LRRC4C: variants seen among roughly 807,000 people sequenced by gnomAD.
The protein encoded by LRRC4C is leucine-rich repeat-containing protein 4C.
LRRC4C carries 5 observed loss-of-function variants against 33.6 expected under a neutral mutation model. The observed-to-expected ratio is 0.15, with a 90% CI of 0.08 to 0.31. LRRC4C has a LOEUF of 0.31. Ranked by LOEUF, LRRC4C falls within the 10% of genes least tolerant of loss-of-function variation. The pLI, the probability that LRRC4C is intolerant of heterozygous loss-of-function variation, is 1.00. For synonymous variants in LRRC4C, 329 were observed against 302.0 expected, an observed-to-expected ratio of 1.09 and a Z score of -0.93; for missense variants, 560 against 796.7, an observed-to-expected ratio of 0.70 and a Z score of 3.58.
At chr11:40,437,975 C>T (rs543779933) in intron 3 of LRRC4C, among the ~76,000 whole-genome samples, 2 of 152,332 alleles carry the variant, frequency 1.3e-5, no homozygotes, top group Non-Finnish European at 2.9e-5. Context: ...GCTGGGATTA[C>T]AGACTTGAGC....
intron 1 of LRRC4C, among the ~76,000 whole-genome samples, chr11:41,064,208 G>T (rs1425829869): frequency 6.6e-6 from 1 of 152,144 alleles, no homozygotes. Context: ...TGCATATGGT[G>T]CCATAGTTTA....
chr11:40,859,343 T>C (rs990919044), intron 2 of LRRC4C, among the ~76,000 whole-genome samples: 1 of 152,136 alleles, frequency 6.6e-6, no homozygotes. Context: ...AAGTCCGTAG[T>C]AATGAAATGA....
At chr11:40,999,581 T>C (rs547953033) in intron 1 of LRRC4C, among the ~76,000 whole-genome samples, 18 of 152,266 alleles carry the variant, frequency 1.2e-4, no homozygotes, top group African/African-American at 4.3e-4. Context: ...AACCGTCCCA[T>C]AGGATGGTGA....
intron 3 of LRRC4C, among the ~76,000 whole-genome samples, chr11:40,482,850 A>G (rs188581463): frequency 6.6e-6 from 1 of 152,288 alleles, no homozygotes. Context: ...CTTAGGAAAC[A>G]AAGACCTCTG....
intron 1 of LRRC4C, among the ~76,000 whole-genome samples, chr11:41,346,209 G>A (rs558662439): frequency 1.8e-3 from 281 of 152,258 alleles, no homozygotes; most frequent in Middle Eastern, 3.4e-3. Context: ...AGTGTCAGTC[G>A]TTAATATTTA....
intron 1 of LRRC4C, among the ~76,000 whole-genome samples, chr11:41,033,491 A>G (rs1205094118): frequency 6.6e-6 from 1 of 152,062 alleles, no homozygotes; most frequent in Admixed American, 6.6e-5. Flanking sequence ...ATGCTCCCAG[A>G]AAATTATATA....
At chr11:40,315,704 T>A (rs1945542613) in intron 4 of LRRC4C, among the ~76,000 whole-genome samples, 1 of 152,014 alleles carries the variant, frequency 6.6e-6, no homozygotes, top group Admixed American at 6.5e-5. Context: ...ATGTCTTCAT[T>A]TGTCCACTGA....
intron 4 of LRRC4C, among the ~76,000 whole-genome samples, chr11:40,263,830 T>G (rs1347602669): frequency 6.6e-6 from 1 of 152,158 alleles, no homozygotes; most frequent in Non-Finnish European, 1.5e-5. Flanking sequence ...TCCTATAGTC[T>G]GATATGTGGG....
chr11:41,146,413 C>T (rs901063458), intron 1 of LRRC4C, among the ~76,000 whole-genome samples: 2 of 152,178 alleles, frequency 1.3e-5, no homozygotes, highest in Non-Finnish European at 2.9e-5. Flanking sequence ...CACTACTGAG[C>T]GTTTCCTTGA....
intron 1 of LRRC4C, among the ~76,000 whole-genome samples, chr11:41,440,423 T>C (rs967348862): frequency 6.6e-6 from 1 of 152,156 alleles, no homozygotes; most frequent in Non-Finnish European, 1.5e-5. Context: ...ATAGGTTTTA[T>C]CTATGGTCTC....
At chr11:40,944,826 C>G (rs1193435810) in intron 1 of LRRC4C, among the ~76,000 whole-genome samples, 1 of 152,118 alleles carries the variant, frequency 6.6e-6, no homozygotes. Flanking sequence ...TAGCATTTAA[C>G]AATATTTGAC....
In LRRC4C at chr11:40,320,956, T is replaced by C. The variant is rs1471626664; in HGVS notation, c.-269-1235A>G. Among the ~76,000 whole-genome samples the C allele has an allele frequency of 2.0e-5, 3 of 152,212 alleles. No individual in the cohort carries two copies. In the East Asian group the frequency reaches 5.8e-4, roughly 29 times the overall value. On this transcript the variant is annotated intron_variant, in intron 3 of 6. Coordinates refer to ENST00000528697, the MANE Select transcript of LRRC4C (RefSeq NM_001258419.2). ...TACTAAGGTGGTTGTAATCAACGAA[T>C]TTGAGATTCATGTATTACTTGAAAA...
intron 1 of LRRC4C, among the ~76,000 whole-genome samples, chr11:41,031,168 A>G (rs1856708111): frequency 6.6e-6 from 1 of 151,956 alleles, no homozygotes; most frequent in African/African-American, 2.4e-5. Flanking sequence ...TAAAATGGCT[A>G]GTAGGTATTT....
At chr11:40,508,984 A>T (rs1357041036) in intron 3 of LRRC4C, among the ~76,000 whole-genome samples, 2 of 152,170 alleles carry the variant, frequency 1.3e-5, no homozygotes, top group African/African-American at 4.8e-5. Context: ...GGAGGAGTAA[A>T]ATTGTTTGTC....
intron 1 of LRRC4C, among the ~76,000 whole-genome samples, chr11:41,412,260 T>C (rs1167336259): frequency 6.6e-6 from 1 of 152,248 alleles, no homozygotes; most frequent in African/African-American, 2.4e-5. Context: ...TTTATGAATC[T>C]TTCCTAAATG....
intron 5 of LRRC4C, among the ~76,000 whole-genome samples, chr11:40,223,958 A>T (rs2135948241): frequency 6.6e-6 from 1 of 152,320 alleles, no homozygotes; most frequent in East Asian, 1.9e-4. Flanking sequence ...TTTCATTTTA[A>T]GTGTTTTCTT....
chr11:41,159,007 A>G (rs1331686990), intron 1 of LRRC4C, among the ~76,000 whole-genome samples: 1 of 152,174 alleles, frequency 6.6e-6, no homozygotes, highest in Admixed American at 6.6e-5. Flanking sequence ...TCAATAGGCC[A>G]GGCATGGTAG....
intron 3 of LRRC4C, among the ~76,000 whole-genome samples, chr11:40,494,756 T>C (rs1954342433): frequency 6.6e-6 from 1 of 152,170 alleles, no homozygotes. Context: ...TTTACAATAG[T>C]GAAGAGTTGT....
rs1565293002 is a variant in LRRC4C, at chr11:41,005,673, C to CTT, written c.-495-71951_-495-71950insAA. ...ACTCTCTGTCTTGCTCTCTCTCTCT[C>CTT]GCAATGTGACCTGCTGGCTTCCCTT... On this transcript the variant is annotated intron_variant, in intron 1 of 6. Transcript: ENST00000528697. 4.6e-5 allele frequency among the ~76,000 whole-genome samples: 7 copies of CTT among 152,026 alleles called. No homozygotes were observed. In the South Asian group the frequency reaches 1.5e-3, roughly 32 times the overall value.
Sources: allele counts gnomAD v4.1 joint callset (sites outside exome capture counted in the v4.1 genomes callset), GRCh38; gene constraint gnomAD v4.1.1; transcripts MANE v1.5; gene names NCBI Gene and HGNC (gene_info 2026-07-23, HGNC 2026-07-21).